PTPRD: variants seen among roughly 807,000 people sequenced by gnomAD.
PTPRD encodes protein tyrosine phosphatase receptor type D.
Under a neutral mutation model 214.5 loss-of-function variants are expected in PTPRD, and 34 were observed. The observed-to-expected ratio is 0.16, with a 90% CI of 0.12 to 0.21. The LOEUF is 0.21. PTPRD is among the 10% of genes least tolerant of loss of function. The pLI is 1.00. For synonymous variants in PTPRD, 1,128 were observed against 845.7 expected (o/e 1.33, Z -5.79); for missense variants, 2,545 against 2,398.7 (o/e 1.06, Z -1.27).
chr9:8,860,904 A>G (rs2098090168), intron 11 of PTPRD: 2 of 152,184 alleles, frequency 1.3e-5, no homozygotes, highest in Admixed American at 1.3e-4. Flanking sequence ...CATCACCTCC[A>G]CATTCTGGAT....
intron 11 of PTPRD, among the ~76,000 whole-genome samples, chr9:8,978,792 G>C (rs968495894): frequency 1.3e-5 from 2 of 152,142 alleles, no homozygotes; most frequent in Admixed American, 6.6e-5. Context: ...GCTGCTAAGT[G>C]AGGCTCAGAA....
At chr9:10,387,286 C>G (rs577631642) in intron 2 of PTPRD, among the ~76,000 whole-genome samples, 2 of 151,964 alleles carry the variant, frequency 1.3e-5, no homozygotes, top group Admixed American at 1.3e-4. Flanking sequence ...ATGCCTGTGT[C>G]TTTTCAGTGA....
intron 8 of PTPRD, among the ~76,000 whole-genome samples, chr9:9,447,691 G>C (rs759332638): frequency 6.6e-6 from 1 of 152,046 alleles, no homozygotes; most frequent in African/African-American, 2.4e-5. Context: ...TAGTTCTCAA[G>C]GGACTTCTAC....
chr9:9,162,785 A>G (rs1481438515), intron 10 of PTPRD, among the ~76,000 whole-genome samples: 4 of 152,000 alleles, frequency 2.6e-5, no homozygotes, highest in African/African-American at 4.8e-5. Flanking sequence ...GGCATTATCT[A>G]TATTTTCTGT....
intron 2 of PTPRD, among the ~76,000 whole-genome samples, chr9:10,387,245 A>C (rs1310143935): frequency 1.3e-5 from 2 of 151,904 alleles, no homozygotes; most frequent in African/African-American, 2.4e-5. Flanking sequence ...AAACTAACAC[A>C]GTCGTTTAAC....
chr9:9,458,575 T>C (rs1011569770), intron 8 of PTPRD, among the ~76,000 whole-genome samples: 3 of 151,968 alleles, frequency 2.0e-5, no homozygotes, highest in Non-Finnish European at 4.4e-5. Context: ...AAAAAAATCA[T>C]GAGTTGTTTG....
intron 5 of PTPRD, among the ~76,000 whole-genome samples, chr9:9,926,144 G>C (rs1398638882): frequency 6.6e-6 from 1 of 152,020 alleles, no homozygotes; most frequent in Non-Finnish European, 1.5e-5. Flanking sequence ...TCTCTTATAC[G>C]TTCCAGGCTT....
intron 4 of PTPRD, among the ~76,000 whole-genome samples, chr9:9,957,772 C>A (rs1011035605): frequency 5.9e-5 from 9 of 152,042 alleles, no homozygotes; most frequent in African/African-American, 2.2e-4. Context: ...CTGTCACAAC[C>A]TGACTTCAAG....
intron 6 of PTPRD, among the ~76,000 whole-genome samples, chr9:9,750,643 G>C (rs1198888912): frequency 6.6e-6 from 1 of 152,124 alleles, no homozygotes; most frequent in Non-Finnish European, 1.5e-5. Context: ...ATGTGTGTGT[G>C]TGCATAGTTT....
intron 3 of PTPRD, among the ~76,000 whole-genome samples, chr9:10,040,222 A>G (rs2097270331): frequency 1.3e-5 from 2 of 152,064 alleles, no homozygotes; most frequent in South Asian, 4.1e-4. Context: ...TGTTGACCAG[A>G]GAACCCAAAA....
At chr9:9,376,447 G>GA (rs1389902567) in intron 9 of PTPRD, among the ~76,000 whole-genome samples, 4 of 152,084 alleles carry the variant, frequency 2.6e-5, no homozygotes, top group Non-Finnish European at 5.9e-5. Flanking sequence ...ATTATTTCAT[G>GA]AAATGTATTG....
At chr9:8,693,576 T>C (rs2097851742) in intron 12 of PTPRD, among the ~76,000 whole-genome samples, 1 of 152,222 alleles carries the variant, frequency 6.6e-6, no homozygotes, top group South Asian at 2.1e-4. Context: ...GGAGCTCATA[T>C]TCTACGAGGG....
At chr9:8,781,733 G>A (rs1030842919) in intron 11 of PTPRD, among the ~76,000 whole-genome samples, 3 of 152,132 alleles carry the variant, frequency 2.0e-5, no homozygotes, top group African/African-American at 7.2e-5. Flanking sequence ...AGGAAGGTCA[G>A]GCTGACAAGC....
At chr9:9,286,256 A>G (rs968033677) in intron 9 of PTPRD, among the ~76,000 whole-genome samples, 2 of 151,830 alleles carry the variant, frequency 1.3e-5, no homozygotes, top group Non-Finnish European at 2.9e-5. Flanking sequence ...TGCAACTATT[A>G]TAATAGGCTC....
chr9:9,950,876 TA>T (rs1378612966), intron 4 of PTPRD, among the ~76,000 whole-genome samples: 1 of 152,032 alleles, frequency 6.6e-6, no homozygotes. Context: ...TGGTCTCAAA[TA>T]ACAGTAGCAG....
At chr9:10,179,364 A>G (rs1413243997) in intron 3 of PTPRD, among the ~76,000 whole-genome samples, 1 of 152,032 alleles carries the variant, frequency 6.6e-6, no homozygotes, top group Non-Finnish European at 1.5e-5. Flanking sequence ...GCCAACATAG[A>G]AAGCAGTCAA....
chr9:9,902,460 G>C (rs555952406), intron 5 of PTPRD, among the ~76,000 whole-genome samples: 1 of 152,158 alleles, frequency 6.6e-6, no homozygotes, highest in Non-Finnish European at 1.5e-5. Flanking sequence ...TCACTAAAAT[G>C]CAAGAGTCAT....
intron 6 of PTPRD, among the ~76,000 whole-genome samples, chr9:9,765,649 G>A (rs894234671): frequency 6.6e-6 from 1 of 152,004 alleles, no homozygotes; most frequent in African/African-American, 2.4e-5. Context: ...TGAAGCTTAC[G>A]TAAATTCTTT....
chr9:9,647,182 CT>C (rs778674991), intron 7 of PTPRD, among the ~76,000 whole-genome samples: 39 of 152,230 alleles, frequency 2.6e-4, no homozygotes, highest in Admixed American at 5.2e-4. Flanking sequence ...TTTCCCCCCC[CT>C]CTTTCTAGTC....
Sources: gnomAD v4.1 joint callset for allele counts (sites outside exome capture counted in the v4.1 genomes callset) on GRCh38, gnomAD v4.1.1 for gene constraint, MANE v1.5 for transcripts, NCBI Gene and HGNC (gene_info 2026-07-23, HGNC 2026-07-21) for gene names.